The following PNPLA7 variants were observed in gnomAD, a reference collection of about 807,000 sequenced individuals.
The protein encoded by PNPLA7 is patatin like domain 7, lysophospholipase.
In PNPLA7, 153 loss-of-function variants were observed where a neutral mutation model predicts 161.7. That is an observed-to-expected ratio of 0.95 (90% CI 0.83 to 1.08). PNPLA7 has a LOEUF of 1.08. Ranked by LOEUF, PNPLA7 falls within the 50% of genes least tolerant of loss-of-function variation. The pLI, the probability that PNPLA7 is intolerant of heterozygous loss-of-function variation, is 0.00. For synonymous variants in PNPLA7, 809 were observed against 782.1 expected (o/e 1.03, Z -0.57); for missense variants, 1,739 against 1,856.6 (o/e 0.94, Z 1.16).
intron 19 of PNPLA7, among the ~76,000 whole-genome samples, chr9:137,494,655 G>A (rs1427216145): frequency 2.8e-5 from 4 of 141,382 alleles, no homozygotes; most frequent in Non-Finnish European, 1.5e-5. Context: ...CCTGCTCCGC[G>A]CCCTCACCTG....
At position 137,490,589 on chromosome 9, in the gene PNPLA7, C is replaced by A. The variant is rs936313017; in HGVS notation, c.2197+2424G>T. Among the ~76,000 whole-genome samples, 1 of 152,166 alleles carries A rather than the reference C, an allele frequency of 6.6e-6. No homozygotes were observed. Among genetic ancestry groups the A allele is most frequent in the Non-Finnish European group, 1.5e-5 (1 of 68,046 alleles). ...AAAGCACCCTTCAGCATGAGGGTGA[C>A]ATGGAGATATTCTCAGATTCTCAGA... On this transcript the variant is annotated intron_variant, in intron 20 of 34. Coordinates refer to ENST00000406427, the MANE Select transcript of PNPLA7 (RefSeq NM_001098537.3). This position sits in a 1 kb window ranked among gnomAD's most constrained non-coding sequence, Gnocchi z 4.1.
rs761336367 is a variant in PNPLA7 at position 137,543,678 on chromosome 9, A to G, written c.365+46T>C. On this transcript the variant is annotated intron_variant, in intron 5 of 34. Coordinates refer to ENST00000406427, the MANE Select transcript of PNPLA7 (RefSeq NM_001098537.3). The surrounding 1 kb of genome is among the most constrained non-coding windows in gnomAD (Gnocchi z 6.9). ...GCTCAGGGTTGGGGAGGCCAGCACC[A>G]TGGGGGGCACCTGGGGCAGGATGTG... 3 of 1,612,466 alleles carry G rather than the reference A, an allele frequency of 1.9e-6. No homozygotes were observed. Among genetic ancestry groups the G allele is most frequent in the East Asian group, 2.2e-5 (1 of 44,882 alleles).
chr9:137,515,299 C>T lies in PNPLA7; in HGVS notation c.1225+80G>A. 3.9e-6 allele frequency: 6 copies of T among 1,527,930 alleles called. No homozygotes were observed. In the Admixed American group the frequency reaches 1.3e-4, roughly 32 times the overall value. 94.6% of individuals were successfully genotyped at this position (1,527,930 alleles called of 1,614,324 possible). The stretch of plus-strand genomic sequence containing the variant: ...TGCCCGCCTCGGCGGCGATGCTGGG[C>T]ATCAGTGCAGCTCAGCCTGGGTCTC... On this transcript the variant is annotated intron_variant, in intron 12 of 34. Transcript: ENST00000406427.
At position 137,550,264 on chromosome 9, in the gene PNPLA7, CT is replaced by C; in HGVS notation, c.-68del. ...GCCTGAAGCAAACAAGGGCACACCT[CT>C]ACCCGCTCATGCTCACACCTGGACA... On this transcript the variant is annotated 5_prime_UTR_variant, in exon 1 of 35. It removes the in-frame stop codon of an upstream open reading frame in the 5' UTR. Coordinates refer to ENST00000406427, the MANE Select transcript of PNPLA7 (RefSeq NM_001098537.3). 1 of 1,567,166 alleles carries C rather than the reference CT, an allele frequency of 6.4e-7. No homozygotes were observed. Among genetic ancestry groups the C allele is most frequent in the Non-Finnish European group, 8.8e-7 (1 of 1,138,556 alleles).
At chr9:137,545,768 A>C (rs1429194312) in intron 4 of PNPLA7, among the ~76,000 whole-genome samples, 5 of 152,336 alleles carry the variant, frequency 3.3e-5, no homozygotes, top group South Asian at 2.1e-4. Context: ...AGAAGACAAG[A>C]GTGCGAGCCT....
At chr9:137,546,077 C>A (rs537210107) in intron 4 of PNPLA7, among the ~76,000 whole-genome samples, 1 of 152,098 alleles carries the variant, frequency 6.6e-6, no homozygotes, top group South Asian at 2.1e-4. Context: ...GCTCCTAGTC[C>A]GCCTTCATGT....
Position 137,482,740 on chromosome 9 carries a change from C to T in PNPLA7, c.2348-1717G>A, listed in dbSNP as rs565470198. Among the ~76,000 whole-genome samples the T allele has an allele frequency of 1.4e-4, 22 of 152,390 alleles. 1 individual carries two copies. In the East Asian group the frequency reaches 4.2e-3, roughly 29 times the overall value. ...AAGGGGTCTACAGATGGCGTAAACG[C>T]CAACGTCCCGGCCTCGATGTTACCC... On this transcript the variant is annotated intron_variant, in intron 21 of 34. Coordinates refer to ENST00000406427, the MANE Select transcript of PNPLA7 (RefSeq NM_001098537.3).
intron 20 of PNPLA7, chr9:137,492,132 A>C (rs1250605621): frequency 1.0e-6 from 1 of 985,262 alleles, no homozygotes. Context: ...GGACAGCCTG[A>C]GAGCTAACAG....
rs375615258 is a variant in PNPLA7 at position 137,543,790 on chromosome 9, A to T, written c.299T>A (p.Val100Glu). The T allele has an allele frequency of 7.4e-6, 12 of 1,613,774 alleles. No individual in the cohort carries two copies. The African/African-American group carries it at 1.5e-4, about 20-fold the overall frequency. Residue 100 changes from valine (V) to glutamate (E), a missense_variant, in exon 5 of 35, where the codon GTG (valine) becomes GAG (glutamate). Transcript: ENST00000406427. This position sits in a 1 kb window ranked among gnomAD's most constrained non-coding sequence, Gnocchi z 6.9. ...CTGCCGGGGCAGGGCAGTGTTCTCCACAAGGGTGTTGGGGAGTGTGGTCAC... is the reference window on the plus strand; with the variant it reads ...CTGCCGGGGCAGGGCAGTGTTCTCCTCAAGGGTGTTGGGGAGTGTGGTCAC... Reference protein sequence around the residue: ...RKVTTLPNTLVENTALPRQRA... With the variant: ...RKVTTLPNTLEENTALPRQRA...
chr9:137,495,842 T>G (rs1833026398), intron 18 of PNPLA7, among the ~76,000 whole-genome samples: 1 of 152,208 alleles, frequency 6.6e-6, no homozygotes, highest in African/African-American at 2.4e-5. Context: ...AGTGTGAGCC[T>G]TCATCCGGTG....
intron 26 of PNPLA7, among the ~76,000 whole-genome samples, chr9:137,465,413 G>A (rs1315718327): frequency 6.6e-6 from 1 of 152,112 alleles, no homozygotes; most frequent in African/African-American, 2.4e-5. Context: ...CCCACACCTG[G>A]CCCCCCAGCC....
intron 20 of PNPLA7, among the ~76,000 whole-genome samples, chr9:137,487,949 C>CAG (rs2132192384): frequency 6.6e-6 from 1 of 152,348 alleles, no homozygotes; most frequent in African/African-American, 2.4e-5. Context: ...ACGGGAGGAG[C>CAG]GGGGGACTCA....
chr9:137,546,561 T>A (rs1836538242), intron 4 of PNPLA7, among the ~76,000 whole-genome samples: 3 of 152,050 alleles, frequency 2.0e-5, no homozygotes, highest in Admixed American at 2.0e-4. Context: ...AAGCTGCCCC[T>A]CCAGGCCAGG....
At chr9:137,470,848 A>G (rs1158948555) in intron 25 of PNPLA7, among the ~76,000 whole-genome samples, 3 of 152,260 alleles carry the variant, frequency 2.0e-5, no homozygotes, top group Admixed American at 6.5e-5. Flanking sequence ...AGAAAATACA[A>G]TCATCTCGAT....
At chr9:137,483,608 C>T (rs749771042) in intron 21 of PNPLA7, among the ~76,000 whole-genome samples, 1 of 152,088 alleles carries the variant, frequency 6.6e-6, no homozygotes, top group African/African-American at 2.4e-5. Context: ...GCATTTCCAC[C>T]ACCACGCCCA....
At chr9:137,534,980 G>A (rs1291703656) in intron 8 of PNPLA7, among the ~76,000 whole-genome samples, 4 of 152,124 alleles carry the variant, frequency 2.6e-5, no homozygotes, top group East Asian at 3.9e-4. Context: ...CCCTCCAACC[G>A]CACGTTTTTT....
chr9:137,477,345 T>C (rs1001367815), intron 25 of PNPLA7, among the ~76,000 whole-genome samples: 2 of 152,202 alleles, frequency 1.3e-5, no homozygotes, highest in Non-Finnish European at 2.9e-5. Flanking sequence ...AGCAGATCAT[T>C]CTTTATCAAG....
At chr9:137,535,713 A>G (rs1835848355) in intron 8 of PNPLA7, among the ~76,000 whole-genome samples, 1 of 150,542 alleles carries the variant, frequency 6.6e-6, no homozygotes, top group African/African-American at 2.5e-5. Flanking sequence ...AGATCACGCC[A>G]TTGCACTCCA....
In PNPLA7 at chr9:137,535,490, C is replaced by T. The variant is rs1240700252; in HGVS notation, c.747+5152G>A. 2.0e-5 allele frequency among the ~76,000 whole-genome samples: 3 copies of T among 152,308 alleles called. No homozygotes were observed. The East Asian group carries it at 5.8e-4, about 29-fold the overall frequency. On this transcript the variant is annotated intron_variant, in intron 8 of 34. Coordinates refer to ENST00000406427, the MANE Select transcript of PNPLA7 (RefSeq NM_001098537.3). The stretch of plus-strand genomic sequence containing the variant: ...ACATTCAGGGCCAGGCGCAGTGGCT[C>T]ACACCTGTAATCCCAGCACTTTGGG...
Sources: gnomAD v4.1 joint callset for allele counts (sites outside exome capture counted in the v4.1 genomes callset) on GRCh38, gnomAD v4.1.1 for gene constraint, Gnocchi (gnomAD v3.1) non-coding constraint, MANE v1.5 for transcripts, NCBI Gene and HGNC (gene_info 2026-07-23, HGNC 2026-07-21) for gene names.